CKMT2: variants seen among roughly 807,000 people sequenced by gnomAD.
The protein encoded by CKMT2 is creatine kinase, mitochondrial 2, also known as creatine kinase S-type, mitochondrial.
A neutral mutation model predicts 48.9 loss-of-function variants in CKMT2; 43 were observed. The ratio of observed to expected loss-of-function variants is 0.88; its 90% CI spans 0.69 to 1.13. The LOEUF is 1.13. CKMT2 is among the 50% of genes most tolerant of loss of function. The pLI is 0.00. For synonymous variants in CKMT2, 206 were observed against 213.0 expected (o/e 0.97, Z 0.29); for missense variants, 472 against 555.4 (o/e 0.85, Z 1.51).
At chr5:81,233,486 G>T in intron 1 of CKMT2, 109 bp downstream of exon 1, 1 of 793,680 alleles carries the variant, frequency 1.3e-6, no homozygotes, top group Non-Finnish European at 1.5e-6. Flanking sequence ...CGGGGACCCC[G>T]TTAGGACGCT....
At chr5:81,245,877 C>G (rs1756591103) in intron 1 of CKMT2, among the ~76,000 whole-genome samples, 2 of 152,156 alleles carry the variant, frequency 1.3e-5, no homozygotes, top group Admixed American at 6.5e-5. Flanking sequence ...CACCAGTGGG[C>G]CCCAACACCT....
intron 1 of CKMT2, among the ~76,000 whole-genome samples, chr5:81,241,540 C>G (rs1756434407): frequency 6.6e-6 from 1 of 152,182 alleles, no homozygotes; most frequent in Non-Finnish European, 1.5e-5. Flanking sequence ...CATTTAAGCA[C>G]CTGGCTCCAA....
In CKMT2 at chr5:81,259,265, G is replaced by A; in HGVS notation, c.1014+11G>A. ...CCAAAGCTCAGCAAGGTACTGTTAT[G>A]TGCCCAGTGGCCCTGATGGGCCAGG... is the stretch of plus-strand genomic sequence containing the variant. On this transcript the variant is annotated intron_variant, in intron 8 of 9. Coordinates refer to ENST00000254035, the MANE Select transcript of CKMT2 (RefSeq NM_001099735.2). 1 of 1,609,790 alleles carries A rather than the reference G, an allele frequency of 6.2e-7. No individual in the cohort carries two copies.
chr5:81,251,452 G>A (rs2112803599), intron 2 of CKMT2, among the ~76,000 whole-genome samples, 168 bp downstream of exon 2: 1 of 152,300 alleles, frequency 6.6e-6, no homozygotes, highest in South Asian at 2.1e-4. Flanking sequence ...GCTAGGCATA[G>A]TGGCACATGC....
Position 81,255,128 on chromosome 5 carries a change from GC to G in CKMT2, c.586del (p.Leu196TrpfsTer18). The G allele has an allele frequency of 6.2e-7, 1 of 1,614,096 alleles. No individual in the cohort carries two copies. Among genetic ancestry groups the G allele is most frequent in the Non-Finnish European group, 8.5e-7 (1 of 1,180,022 alleles). Reference sequence around the variant, plus strand: ...GGAGGTAGAGAACGTGGCCATCACTGCCCTGGAGGGCCTCAAGGGGGACCTG... The same window carrying G: ...GGAGGTAGAGAACGTGGCCATCACTGCCTGGAGGGCCTCAAGGGGGACCTG... ...RREVENVAIT[A>X]LEGLKGDLAG... On this transcript the variant is annotated frameshift_variant, in exon 5 of 10. Coordinates refer to ENST00000254035, the MANE Select transcript of CKMT2 (RefSeq NM_001099735.2). LOFTEE classifies it high-confidence loss of function.
intron 1 of CKMT2, among the ~76,000 whole-genome samples, chr5:81,234,033 A>C (rs1756181589): frequency 1.3e-5 from 2 of 151,238 alleles, no homozygotes; most frequent in South Asian, 2.1e-4. Flanking sequence ...AAAAAAAAAA[A>C]AAAAAAAAAA....
At chr5:81,241,010 C>T (rs1470408039) in intron 1 of CKMT2, among the ~76,000 whole-genome samples, 1 of 152,150 alleles carries the variant, frequency 6.6e-6, no homozygotes, top group African/African-American at 2.4e-5. Context: ...TTCACTTACT[C>T]ATCAGACATT....
chr5:81,261,549 C>T (rs1757224930), intron 8 of CKMT2, among the ~76,000 whole-genome samples: 1 of 151,296 alleles, frequency 6.6e-6, no homozygotes, highest in Admixed American at 6.6e-5. Flanking sequence ...CATTCCTATA[C>T]ACCAATAGAC....
In CKMT2 at chr5:81,266,362, TCCTG is replaced by T. The variant is rs1757385679; in HGVS notation, c.*108_*111del. 2.8e-6 allele frequency: 3 copies of T among 1,088,760 alleles called. No individual in the cohort carries two copies. The highest frequency in any genetic ancestry group is 4.0e-6 in the Non-Finnish European group (3 of 754,732). The allele number at this position is 1,088,760 out of a possible 1,614,324, so 67.4% of individuals were successfully genotyped here. ...ACTTGGAAAAATATAAAATTGTAGATCCTGCCTATCTTTACAATAAAACTCTCCT... is the reference window on the plus strand; with the variant it reads ...ACTTGGAAAAATATAAAATTGTAGATCCTATCTTTACAATAAAACTCTCCT... On this transcript the variant is annotated 3_prime_UTR_variant, in exon 10 of 10. Coordinates refer to ENST00000254035, the MANE Select transcript of CKMT2 (RefSeq NM_001099735.2).
At chr5:81,250,824 T>C in intron 1 of CKMT2, 1 of 189,122 alleles carries the variant, frequency 5.3e-6, no homozygotes, top group Non-Finnish European at 1.1e-5. Flanking sequence ...GTTTATTTTT[T>C]ATCATAGCAT....
chr5:81,237,405 G>T (rs1216632995), intron 1 of CKMT2, among the ~76,000 whole-genome samples: 1 of 152,098 alleles, frequency 6.6e-6, no homozygotes, highest in Non-Finnish European at 1.5e-5. Flanking sequence ...TGAGGCTCGG[G>T]TGGGTACCAA....
At chr5:81,247,812 CTG>C (rs1421633126) in intron 1 of CKMT2, among the ~76,000 whole-genome samples, 4 of 152,166 alleles carry the variant, frequency 2.6e-5, no homozygotes, top group Admixed American at 2.6e-4. Context: ...AACCTGGAGT[CTG>C]TGTCAATTCT....
chr5:81,236,373 A>G (rs1000641679), intron 1 of CKMT2, among the ~76,000 whole-genome samples: 1 of 152,152 alleles, frequency 6.6e-6, no homozygotes, highest in African/African-American at 2.4e-5. Flanking sequence ...AGTGCAAAAG[A>G]CAAACCTGGG....
chr5:81,251,172 G>A lies in CKMT2; in HGVS notation c.40G>A (p.Ala14Thr). The A allele has an allele frequency of 2.5e-6, 4 of 1,614,128 alleles. No individual in the cohort carries two copies. Among genetic ancestry groups the A allele is most frequent in the Non-Finnish European group, 2.5e-6 (3 of 1,180,002 alleles). Reference sequence around the variant, plus strand: ...TTCTAAGTTGCTAACTGGCCGCAATGCTTCTCTGCTGTTTGCTACCATGGG... The same window carrying A: ...TTCTAAGTTGCTAACTGGCCGCAATACTTCTCTGCTGTTTGCTACCATGGG... Reference protein sequence around the residue: ...IFSKLLTGRNASLLFATMGTS... With the variant: ...IFSKLLTGRNTSLLFATMGTS... Residue 14 changes from alanine (A) to threonine (T), a missense_variant, in exon 2 of 10, where the codon GCT becomes ACT. Transcript: ENST00000254035.
chr5:81,253,497 A>T (rs1311204657), intron 3 of CKMT2, among the ~76,000 whole-genome samples: 1 of 152,212 alleles, frequency 6.6e-6, no homozygotes, highest in Non-Finnish European at 1.5e-5. Context: ...TCCCCTCCAC[A>T]GAGCAGCCTC....
Position 81,252,815 on chromosome 5 carries a change from C to A in CKMT2, c.273C>A (p.Ile91=), listed in dbSNP as rs764600725. The A allele has an allele frequency of 6.2e-7, 1 of 1,614,238 alleles. No homozygotes were observed. The highest frequency in any genetic ancestry group is 1.1e-5 in the South Asian group (1 of 91,086). ...ACGGCTACACGCTGGACCAGTGCATCCAGACTGGAGTGGACAACCCTGGCC... is the reference window on the plus strand; with the variant it reads ...ACGGCTACACGCTGGACCAGTGCATACAGACTGGAGTGGACAACCCTGGCC... ...TPNGYTLDQC[I]QTGVDNPGHP... The change falls in exon 3 of 10, where the codon ATC becomes ATA. Residue 91 remains isoleucine, a synonymous_variant. Coordinates refer to ENST00000254035, the MANE Select transcript of CKMT2 (RefSeq NM_001099735.2).
At chr5:81,255,802 A>G (rs1033626456) in intron 5 of CKMT2, among the ~76,000 whole-genome samples, 1 of 150,834 alleles carries the variant, frequency 6.6e-6, no homozygotes, top group African/African-American at 2.5e-5. Context: ...CATTTTCAAA[A>G]GTAACAACTT....
At chr5:81,262,875 CGT>C (rs1281390979) in intron 8 of CKMT2, among the ~76,000 whole-genome samples, 1 of 152,176 alleles carries the variant, frequency 6.6e-6, no homozygotes, top group Non-Finnish European at 1.5e-5. Flanking sequence ...CAAATGCACA[CGT>C]GTGTTTATTG....
intron 3 of CKMT2, among the ~76,000 whole-genome samples, chr5:81,253,861 G>A (rs1219510675): frequency 6.6e-6 from 1 of 152,170 alleles, no homozygotes; most frequent in Admixed American, 6.5e-5. Flanking sequence ...ATTTGGGCTG[G>A]GGAAGGTCCG....
Sources: gnomAD v4.1 joint callset for allele counts (sites outside exome capture counted in the v4.1 genomes callset) on GRCh38, gnomAD v4.1.1 for gene constraint, MANE v1.5 for transcripts, NCBI Gene and HGNC (gene_info 2026-07-23, HGNC 2026-07-21) for gene names.